The following OCIAD2 variants were observed in gnomAD, a reference collection of about 807,000 sequenced individuals.
OCIAD2 encodes OCIA domain containing 2.
OCIAD2 carries 29 observed loss-of-function variants against 22.9 expected under a neutral mutation model. The observed-to-expected ratio is 1.27, with a 90% CI of 0.94 to 1.73. OCIAD2 has a LOEUF of 1.73. Among genes scored for constraint, OCIAD2 ranks in the 40% most tolerant of loss-of-function variants. OCIAD2 has a pLI of 0.00. For missense variants in OCIAD2, 189 were observed against 180.3 expected, an observed-to-expected ratio of 1.05 and a Z score of -0.28; for synonymous variants, 67 against 60.2, an observed-to-expected ratio of 1.11 and a Z score of -0.52.
intron 4 of OCIAD2, among the ~76,000 whole-genome samples, chr4:48,894,289 G>A (rs1343450581): frequency 1.3e-5 from 2 of 151,946 alleles, no homozygotes; most frequent in African/African-American, 4.8e-5. Context: ...TCAGGAGTTC[G>A]AAACCAGCTT....
chr4:48,888,625 TGGTA>T (rs1176014628), intron 6 of OCIAD2, among the ~76,000 whole-genome samples: 6 of 152,202 alleles, frequency 3.9e-5, no homozygotes, highest in Non-Finnish European at 7.3e-5. Context: ...TCTGTTTATA[TGGTA>T]GATTATGTTT....
chr4:48,885,469 TCA>T lies in OCIAD2; in HGVS notation c.*13_*14del. ...TCAGAGGTTTAAAAAACTTCGAAAGTCACAGACACAGAATTTAGGAAGCTGAA... is the reference window on the plus strand; with the variant it reads ...TCAGAGGTTTAAAAAACTTCGAAAGTCAGACACAGAATTTAGGAAGCTGAA... On this transcript the variant is annotated 3_prime_UTR_variant, in exon 7 of 7. Transcript: ENST00000508632. 6.6e-7 allele frequency: 1 copy of T among 1,513,834 alleles called. No individual in the cohort carries two copies. Among genetic ancestry groups the T allele is most frequent in the Non-Finnish European group, 9.2e-7 (1 of 1,091,234 alleles). 93.8% of individuals were successfully genotyped at this position (1,513,834 alleles called of 1,614,324 possible). A position where few individuals can be genotyped will look rare whatever the true frequency, so the allele number is the denominator to read the frequency against.
At chr4:48,894,875 G>A (rs1781268567) in intron 4 of OCIAD2, among the ~76,000 whole-genome samples, 1 of 152,102 alleles carries the variant, frequency 6.6e-6, no homozygotes, top group Non-Finnish European at 1.5e-5. Context: ...CGAATTCCTG[G>A]AAAAGGTGAA....
At position 48,893,990 on chromosome 4, in the gene OCIAD2, T is replaced by C; in HGVS notation, c.265+16A>G. On this transcript the variant is annotated intron_variant, in intron 5 of 6. Coordinates refer to ENST00000508632, the MANE Select transcript of OCIAD2 (RefSeq NM_001014446.3). ...AGCCACCACACTTGGCTTGCTTTTT[T>C]ATTTCTATGACTTACGTGCAACTTT... The C allele has an allele frequency of 1.3e-6, 2 of 1,498,698 alleles. No individual in the cohort carries two copies. The highest frequency in any genetic ancestry group is 9.0e-7 in the Non-Finnish European group (1 of 1,115,914). 92.8% of individuals were successfully genotyped at this position (1,498,698 alleles called of 1,614,324 possible).
At chr4:48,885,654 C>T (rs546040582) in intron 6 of OCIAD2, 89 bp from the exon 7 acceptor site, 2 of 747,636 alleles carry the variant, frequency 2.7e-6, no homozygotes, top group Non-Finnish European at 4.6e-6. Flanking sequence ...ATTATTTTAA[C>T]ATAATCTTTT....
chr4:48,904,404 G>A, intron 2 of OCIAD2, 80 bp downstream of exon 2: 3 of 1,215,484 alleles, frequency 2.5e-6, no homozygotes, highest in South Asian at 2.4e-5. Flanking sequence ...AGCCATGACT[G>A]CACCACTGCA....
At chr4:48,894,537 A>C (rs1018803743) in intron 4 of OCIAD2, among the ~76,000 whole-genome samples, 5 of 152,176 alleles carry the variant, frequency 3.3e-5, no homozygotes, top group African/African-American at 1.2e-4. Flanking sequence ...TCTCAGTTGA[A>C]TTGAACTCCC....
chr4:48,890,032 C>T (rs1312301772), intron 6 of OCIAD2, among the ~76,000 whole-genome samples: 1 of 144,948 alleles, frequency 6.9e-6, no homozygotes, highest in Non-Finnish European at 1.5e-5. Context: ...CGCATGTTCT[C>T]ACTCATAGGT....
chr4:48,905,970 G>A (rs1441139787), intron 1 of OCIAD2, among the ~76,000 whole-genome samples: 1 of 152,190 alleles, frequency 6.6e-6, no homozygotes, highest in African/African-American at 2.4e-5. Flanking sequence ...AGACTAGGAT[G>A]AGGATGAGGA....
At chr4:48,902,734 C>T (rs982999027) in intron 2 of OCIAD2, among the ~76,000 whole-genome samples, 1 of 152,228 alleles carries the variant, frequency 6.6e-6, no homozygotes, top group East Asian at 1.9e-4. Flanking sequence ...GGGCAGATCA[C>T]TTGAGGTCAG....
intron 1 of OCIAD2, among the ~76,000 whole-genome samples, chr4:48,905,673 A>G (rs1466916674): frequency 2.6e-5 from 4 of 152,206 alleles, no homozygotes. Flanking sequence ...TGAACCTCTT[A>G]TATACAATTC....
chr4:48,885,761 C>G (rs1168708965), intron 6 of OCIAD2, among the ~76,000 whole-genome samples, 196 bp from the exon 7 acceptor site: 3 of 152,182 alleles, frequency 2.0e-5, no homozygotes, highest in Non-Finnish European at 4.4e-5. Context: ...GCTGAGACTA[C>G]AGGCATGAAC....
At chr4:48,903,011 C>G (rs1781448548) in intron 2 of OCIAD2, among the ~76,000 whole-genome samples, 1 of 152,144 alleles carries the variant, frequency 6.6e-6, no homozygotes, top group Non-Finnish European at 1.5e-5. Flanking sequence ...TGATGACTCT[C>G]CATTTCACAG....
At chr4:48,903,643 T>G (rs1407707274) in intron 2 of OCIAD2, among the ~76,000 whole-genome samples, 10 of 150,712 alleles carry the variant, frequency 6.6e-5, no homozygotes, top group African/African-American at 1.2e-4. Context: ...GGGTTTTTTT[T>G]TTTTTTTTTT....
chr4:48,890,678 T>C (rs1206093861), intron 6 of OCIAD2, among the ~76,000 whole-genome samples: 1 of 152,216 alleles, frequency 6.6e-6, no homozygotes, highest in African/African-American at 2.4e-5. Context: ...TTGAGTCCCT[T>C]CTTGCATTAA....
chr4:48,893,931 CT>C, intron 5 of OCIAD2, 74 bp downstream of exon 5: 1 of 890,614 alleles, frequency 1.1e-6, no homozygotes, highest in South Asian at 2.4e-5. Context: ...ATCTACCCAC[CT>C]CAGCCTCCCA....
Position 48,904,481 on chromosome 4 carries a change from T to A in OCIAD2, c.66+3A>T, listed in dbSNP as rs758825578. 1 of 1,612,846 alleles carries A rather than the reference T, an allele frequency of 6.2e-7. No homozygotes were observed. Among genetic ancestry groups the A allele is most frequent in the East Asian group, 2.2e-5 (1 of 44,874 alleles). On this transcript the variant is annotated splice_donor_region_variant and intron_variant, in intron 2 of 6. Transcript: ENST00000508632. ...GAATCGATCAATAAATATAAAAGTA[T>A]ACCTGCTTGCTTGGTGGTGGAAAAT...
intron 6 of OCIAD2, among the ~76,000 whole-genome samples, chr4:48,888,797 C>T (rs1379825970): frequency 6.6e-6 from 1 of 151,834 alleles, no homozygotes; most frequent in Non-Finnish European, 1.5e-5. Context: ...CTAAAATTCT[C>T]TTTTTTTTGT....
intron 4 of OCIAD2, among the ~76,000 whole-genome samples, chr4:48,895,039 G>C (rs1439714050): frequency 2.0e-5 from 3 of 152,206 alleles, no homozygotes; most frequent in Non-Finnish European, 4.4e-5. Context: ...GGCAGCAACA[G>C]AAGAACTTGG....
Sources: allele counts gnomAD v4.1 joint callset (sites outside exome capture counted in the v4.1 genomes callset), GRCh38; gene constraint gnomAD v4.1.1; transcripts MANE v1.5; gene names NCBI Gene and HGNC (gene_info 2026-07-23, HGNC 2026-07-21).